NCOR1: variants seen among roughly 807,000 people sequenced by gnomAD.
NCOR1 encodes nuclear receptor corepressor 1.
In NCOR1, 63 loss-of-function variants were observed where a neutral mutation model predicts 288.1. That is an observed-to-expected ratio of 0.22 (90% CI 0.18 to 0.27). NCOR1 has a LOEUF of 0.27. NCOR1 is among the 10% of genes least tolerant of loss of function. The pLI is 1.00. For missense variants in NCOR1, 2,397 were observed against 3,019.2 expected (o/e 0.79, Z 4.83); for synonymous variants, 1,007 against 1,065.9 (o/e 0.94, Z 1.08).
At chr17:16,081,878 C>A (rs1330338972) in intron 23 of NCOR1, among the ~76,000 whole-genome samples, 1 of 152,204 alleles carries the variant, frequency 6.6e-6, no homozygotes, top group African/African-American at 2.4e-5. Context: ...CATGCATGTG[C>A]AAGGCTATGA....
At chr17:16,149,592 G>C in intron 8 of NCOR1, 75 bp from the exon 9 acceptor site, 1 of 605,048 alleles carries the variant, frequency 1.7e-6, no homozygotes, top group Non-Finnish European at 2.8e-6. Context: ...TTTTTCCAGA[G>C]ACACTGGAAA....
intron 7 of NCOR1, among the ~76,000 whole-genome samples, 197 bp from the exon 8 acceptor site, chr17:16,152,195 T>C (rs1189592674): frequency 6.6e-6 from 1 of 152,236 alleles, no homozygotes; most frequent in Non-Finnish European, 1.5e-5. Context: ...AGGGTACACG[T>C]GCACAACGTG....
intron 5 of NCOR1, 58 bp from the exon 6 acceptor site, chr17:16,158,931 T>G (rs2080265797): frequency 8.3e-7 from 1 of 1,205,798 alleles, no homozygotes. Context: ...CCAGCAGTGA[T>G]TAACCACTGG....
Position 16,187,301 on chromosome 17 carries a change from C to G in NCOR1, c.109-614G>C, listed in dbSNP as rs181540862. Among the ~76,000 whole-genome samples the G allele has an allele frequency of 7.9e-5, 12 of 151,506 alleles. No homozygotes were observed. In the East Asian group the frequency reaches 2.1e-3, roughly 27 times the overall value. Reference sequence around the variant, plus strand: ...GAATTACTAAATAAGCTAGGAACTCCAGTCCTAGGTATATACCCCAAAGAA... The same window carrying G: ...GAATTACTAAATAAGCTAGGAACTCGAGTCCTAGGTATATACCCCAAAGAA... On this transcript the variant is annotated intron_variant, in intron 2 of 45. Transcript: ENST00000268712.
At chr17:16,211,420 G>A (rs2092118393) in intron 1 of NCOR1, among the ~76,000 whole-genome samples, 1 of 151,858 alleles carries the variant, frequency 6.6e-6, no homozygotes, top group Admixed American at 6.6e-5. Context: ...TTTTTGTAGA[G>A]ATGGGACTCG....
intron 22 of NCOR1, chr17:16,091,553 C>CACTG: frequency 8.6e-7 from 1 of 1,168,908 alleles, no homozygotes; most frequent in Non-Finnish European, 1.1e-6. Flanking sequence ...CAACAATTCT[C>CACTG]ACTCTGAAAA....
chr17:16,186,784 T>C, intron 2 of NCOR1, 97 bp from the exon 3 acceptor site: 1 of 1,089,874 alleles, frequency 9.2e-7, no homozygotes, highest in Non-Finnish European at 1.3e-6. Context: ...CCACTAAGTA[T>C]GGAAAGAAAG....
intron 14 of NCOR1, among the ~76,000 whole-genome samples, chr17:16,128,573 A>G (rs2075113810): frequency 6.6e-6 from 1 of 152,218 alleles, no homozygotes; most frequent in Non-Finnish European, 1.5e-5. Context: ...AACAAAAATC[A>G]AATTCCTTTA....
chr17:16,151,856 A>G, intron 8 of NCOR1, 90 bp downstream of exon 8: 1 of 1,031,486 alleles, frequency 9.7e-7, no homozygotes, highest in Non-Finnish European at 1.5e-6. Context: ...CCTACAATAT[A>G]TTATAATAAT....
At chr17:16,096,124 G>A (rs1315302186) in intron 21 of NCOR1, among the ~76,000 whole-genome samples, 3 of 152,078 alleles carry the variant, frequency 2.0e-5, no homozygotes, top group Non-Finnish European at 4.4e-5. Flanking sequence ...GATGCTTGAA[G>A]GCAGCATACT....
chr17:16,202,093 G>A (rs964732082), intron 1 of NCOR1, among the ~76,000 whole-genome samples: 7 of 151,738 alleles, frequency 4.6e-5, no homozygotes, highest in East Asian at 3.9e-4. Flanking sequence ...GCGTAGTGGC[G>A]CACGCCTGTA....
At chr17:16,211,390 A>T (rs2092114569) in intron 1 of NCOR1, among the ~76,000 whole-genome samples, 1 of 151,076 alleles carries the variant, frequency 6.6e-6, no homozygotes, top group Admixed American at 6.6e-5. Flanking sequence ...CCACAAGCAC[A>T]CTCTGCTAAT....
At chr17:16,089,405 T>C (rs1436710111) in intron 22 of NCOR1, among the ~76,000 whole-genome samples, 2 of 152,138 alleles carry the variant, frequency 1.3e-5, no homozygotes, top group African/African-American at 4.8e-5. Flanking sequence ...AGAGGTCAAC[T>C]CGTATAAATG....
chr17:16,070,655 A>G lies in NCOR1; in HGVS notation c.4153-130T>C, dbSNP rs1425947321. On this transcript the variant is annotated intron_variant, in intron 30 of 45. Transcript: ENST00000268712. ...TTTTTTGGTCTGTTTACAAATCTCA[A>G]TCACAACCCCACTGATCCCAAGCTG... 6.6e-6 allele frequency: 8 copies of G among 1,213,394 alleles called. No individual in the cohort carries two copies. In the Admixed American group the frequency reaches 1.4e-4, roughly 21 times the overall value. The allele number at this position is 1,213,394 out of a possible 1,614,324, so 75.2% of individuals were successfully genotyped here.
At position 16,062,689 on chromosome 17, in the gene NCOR1, T is replaced by C. The variant is rs144903966; in HGVS notation, c.5222-419A>G. Among the ~76,000 whole-genome samples, 3 of 152,336 alleles carry C rather than the reference T, an allele frequency of 2.0e-5. No individual in the cohort carries two copies. In the East Asian group the frequency reaches 5.8e-4, roughly 29 times the overall value. The stretch of plus-strand genomic sequence containing the variant: ...TCTAAGCATCATAATGAAAATAATA[T>C]ACCACTGCTACACTAGGGTTTGAGA... On this transcript the variant is annotated intron_variant, in intron 35 of 45. Coordinates refer to ENST00000268712, the MANE Select transcript of NCOR1 (RefSeq NM_006311.4).
At chr17:16,073,317 A>G (rs2061986980) in intron 28 of NCOR1, 112 bp downstream of exon 28, 1 of 959,776 alleles carries the variant, frequency 1.0e-6, no homozygotes, top group African/African-American at 1.7e-5. Context: ...CTTAATATAA[A>G]TATACATTTC....
At chr17:16,160,910 G>A (rs1448391927) in intron 5 of NCOR1, among the ~76,000 whole-genome samples, 1 of 152,070 alleles carries the variant, frequency 6.6e-6, no homozygotes, top group Non-Finnish European at 1.5e-5. Context: ...TCTGGCTCAG[G>A]AGGCTGCCCA....
chr17:16,177,029 T>C (rs1568493829), intron 3 of NCOR1, among the ~76,000 whole-genome samples: 2 of 152,066 alleles, frequency 1.3e-5, no homozygotes, highest in African/African-American at 4.8e-5. Flanking sequence ...ATGATCTTTA[T>C]TTGTCCTCCC....
chr17:16,187,481 G>A (rs1331273397), intron 2 of NCOR1, among the ~76,000 whole-genome samples: 1 of 149,306 alleles, frequency 6.7e-6, no homozygotes, highest in Admixed American at 6.7e-5. Flanking sequence ...ATATCATTCA[G>A]CCTTAAAAAA....
Sources: allele counts gnomAD v4.1 joint callset (sites outside exome capture counted in the v4.1 genomes callset), GRCh38; gene constraint gnomAD v4.1.1; transcripts MANE v1.5; gene names NCBI Gene and HGNC (gene_info 2026-07-23, HGNC 2026-07-21).